PELI2: variants seen among roughly 807,000 people sequenced by gnomAD.
The protein encoded by PELI2 is E3 ubiquitin-protein ligase pellino homolog 2.
In PELI2, 23 loss-of-function variants were observed where a neutral mutation model predicts 42.3. The observed-to-expected ratio is 0.54, with a 90% CI of 0.39 to 0.77. The LOEUF (loss-of-function observed/expected upper bound fraction) is 0.77. PELI2 is among the 30% of genes least tolerant of loss of function. PELI2 has a pLI of 0.00. For synonymous variants in PELI2, 245 were observed against 212.2 expected, an observed-to-expected ratio of 1.15 and a Z score of -1.34; for missense variants, 463 against 553.2, an observed-to-expected ratio of 0.84 and a Z score of 1.64.
intron 2 of PELI2, among the ~76,000 whole-genome samples, chr14:56,194,765 A>G (rs1030698752): frequency 1.3e-4 from 20 of 152,136 alleles, no homozygotes; most frequent in Non-Finnish European, 2.4e-4. Context: ...GAAGTCTTTC[A>G]CAGAATGCCC....
In PELI2 at chr14:56,289,524, C is replaced by A. The variant is rs542471746; in HGVS notation, c.508-744C>A. On this transcript the variant is annotated intron_variant, in intron 4 of 5. Coordinates refer to ENST00000267460, the MANE Select transcript of PELI2 (RefSeq NM_021255.3). ...GATATCATGTGTCATCAGTCAGAGCCCAGTCATGTGCTGTGCCCACCTGTA... is the reference window on the plus strand; with the variant it reads ...GATATCATGTGTCATCAGTCAGAGCACAGTCATGTGCTGTGCCCACCTGTA... Among the ~76,000 whole-genome samples the A allele has an allele frequency of 7.9e-5, 12 of 152,276 alleles. No homozygotes were observed. In the East Asian group the frequency reaches 2.3e-3, roughly 29 times the overall value.
At chr14:56,262,197 G>A (rs1340234845) in intron 2 of PELI2, among the ~76,000 whole-genome samples, 2 of 152,172 alleles carry the variant, frequency 1.3e-5, no homozygotes, top group African/African-American at 2.4e-5. Flanking sequence ...TCTTGCTTTA[G>A]CTAGACAGCA....
At chr14:56,133,529 C>A (rs901319990) in intron 1 of PELI2, among the ~76,000 whole-genome samples, 1 of 152,260 alleles carries the variant, frequency 6.6e-6, no homozygotes, top group African/African-American at 2.4e-5. Context: ...CTACATTTTA[C>A]ACATGTCCTG....
In PELI2 at chr14:56,146,574, C is replaced by CAT. The variant is rs1272515970; in HGVS notation, c.77+27838_77+27839dup. Among the ~76,000 whole-genome samples the CAT allele has an allele frequency of 2.0e-5, 3 of 152,062 alleles. No individual in the cohort carries two copies. In the East Asian group the frequency reaches 5.8e-4, roughly 29 times the overall value. On this transcript the variant is annotated intron_variant, in intron 1 of 5. Coordinates refer to ENST00000267460, the MANE Select transcript of PELI2 (RefSeq NM_021255.3). ...GATGAGAAGGATTTTGCCAGGTTGA[C>CAT]ATGTAAAGGAGAGCATTTCCAGCAG... is the stretch of plus-strand genomic sequence containing the variant.
At chr14:56,184,407 T>C (rs557641709) in intron 2 of PELI2, among the ~76,000 whole-genome samples, 3 of 152,202 alleles carry the variant, frequency 2.0e-5, no homozygotes, top group South Asian at 4.1e-4. Context: ...GAAAAACTCT[T>C]ACATTGCCTG....
intron 1 of PELI2, among the ~76,000 whole-genome samples, chr14:56,168,095 A>G (rs1885028755): frequency 1.3e-5 from 2 of 152,122 alleles, no homozygotes; most frequent in African/African-American, 4.8e-5. Context: ...GGCCAGCACC[A>G]CTGTGACTGC....
At chr14:56,240,217 G>A (rs1351466815) in intron 2 of PELI2, among the ~76,000 whole-genome samples, 7 of 152,192 alleles carry the variant, frequency 4.6e-5, no homozygotes, top group Admixed American at 1.3e-4. Flanking sequence ...GTGCAGTGTG[G>A]AGGGGAAGAC....
At chr14:56,293,775 A>C (rs1889911418) in intron 5 of PELI2, among the ~76,000 whole-genome samples, 1 of 152,220 alleles carries the variant, frequency 6.6e-6, no homozygotes, top group South Asian at 2.1e-4. Context: ...GTGGGAGTCA[A>C]GGGTATGTGG....
chr14:56,293,646 A>G (rs1566689139), intron 5 of PELI2, among the ~76,000 whole-genome samples: 1 of 152,130 alleles, frequency 6.6e-6, no homozygotes, highest in Non-Finnish European at 1.5e-5. Context: ...TCTGCCCTCT[A>G]ATTGCATGGT....
At position 56,299,099 on chromosome 14, in the gene PELI2, C is replaced by T. The variant is rs908122163; in HGVS notation, c.*1933C>T. 2 of 152,186 alleles carry T rather than the reference C, an allele frequency of 1.3e-5. No individual in the cohort carries two copies. The highest frequency in any genetic ancestry group is 4.8e-5 in the African/African-American group (2 of 41,456). 9.4% of individuals were successfully genotyped at this position (152,186 alleles called of 1,614,324 possible). On this transcript the variant is annotated 3_prime_UTR_variant, in exon 6 of 6. Coordinates refer to ENST00000267460, the MANE Select transcript of PELI2 (RefSeq NM_021255.3). The stretch of plus-strand genomic sequence containing the variant: ...GAATGACAAAGGAGGCACTCGTTCT[C>T]TTTTCTTGCTGTATGCCTAGAAAGT...
intron 1 of PELI2, among the ~76,000 whole-genome samples, chr14:56,142,335 C>T (rs962483554): frequency 2.0e-5 from 3 of 152,158 alleles, no homozygotes; most frequent in African/African-American, 7.2e-5. Context: ...AAACTCCCAC[C>T]GAGCCATTAG....
At chr14:56,193,110 A>T (rs1165296289) in intron 2 of PELI2, among the ~76,000 whole-genome samples, 2 of 152,160 alleles carry the variant, frequency 1.3e-5, no homozygotes, top group Admixed American at 6.5e-5. Context: ...ATAGAGGGAG[A>T]TGACTTACAA....
In PELI2 at chr14:56,174,150, G is replaced by A. The variant is rs530335506; in HGVS notation, c.78-4185G>A. Among the ~76,000 whole-genome samples, 9 of 152,216 alleles carry A rather than the reference G, an allele frequency of 5.9e-5. No individual in the cohort carries two copies. In the South Asian group the frequency reaches 6.2e-4, roughly 11 times the overall value. ...ACTCCTGACCTCAAGTGATCCACCC[G>A]CCTCGGCCTCCCAAAGTGCCGGGAT... On this transcript the variant is annotated intron_variant, in intron 1 of 5. Transcript: ENST00000267460.
chr14:56,296,531 G>A (rs1277879402), intron 5 of PELI2, 69 bp from the exon 6 acceptor site: 5 of 1,082,124 alleles, frequency 4.6e-6, no homozygotes, highest in African/African-American at 1.6e-5. Context: ...CTTGTTCTGA[G>A]AGGAAAGAAT....
At chr14:56,134,071 A>T (rs1883595239) in intron 1 of PELI2, among the ~76,000 whole-genome samples, 1 of 152,186 alleles carries the variant, frequency 6.6e-6, no homozygotes, top group Admixed American at 6.5e-5. Flanking sequence ...GTGTCTTCCA[A>T]GGTAAGGTAG....
chr14:56,252,141 G>A (rs1264605358), intron 2 of PELI2, among the ~76,000 whole-genome samples: 1 of 152,154 alleles, frequency 6.6e-6, no homozygotes, highest in Non-Finnish European at 1.5e-5. Flanking sequence ...GCAGTAAGGA[G>A]GTAACAATTC....
chr14:56,280,311 A>C (rs1313717861), intron 3 of PELI2, among the ~76,000 whole-genome samples: 1 of 152,126 alleles, frequency 6.6e-6, no homozygotes, highest in Non-Finnish European at 1.5e-5. Context: ...GCAATTAAGA[A>C]AGTACAGGAT....
intron 1 of PELI2, among the ~76,000 whole-genome samples, chr14:56,174,866 T>C (rs879817927): frequency 1.3e-5 from 2 of 152,142 alleles, no homozygotes; most frequent in Non-Finnish European, 2.9e-5. Flanking sequence ...CTGCCTACCT[T>C]TTACCCTCCT....
intron 2 of PELI2, among the ~76,000 whole-genome samples, chr14:56,278,298 G>T (rs1159075549): frequency 1.3e-5 from 2 of 151,988 alleles, no homozygotes; most frequent in Admixed American, 6.6e-5. Context: ...TATATTCAAG[G>T]TGTACAGCAT....
Sources: gnomAD v4.1 joint callset for allele counts (sites outside exome capture counted in the v4.1 genomes callset) on GRCh38, gnomAD v4.1.1 for gene constraint, MANE v1.5 for transcripts, NCBI Gene and HGNC (gene_info 2026-07-23, HGNC 2026-07-21) for gene names.